The following COL5A1 variants were observed in gnomAD, a reference collection of about 807,000 sequenced individuals.
COL5A1 encodes the protein collagen alpha-1(V) chain.
A neutral mutation model predicts 263.7 loss-of-function variants in COL5A1; 16 were observed. The observed-to-expected ratio is 0.06, with a 90% CI of 0.04 to 0.09. COL5A1 has a LOEUF of 0.09. Ranked by LOEUF, COL5A1 falls within the 10% of genes least tolerant of loss-of-function variation. The probability of loss-of-function intolerance (pLI) is 1.00; values close to 1 mark genes in which losing one functional copy is unlikely to be tolerated. For synonymous variants in COL5A1, 1,012 were observed against 1,004.5 expected (o/e 1.01, Z -0.14); for missense variants, 2,036 against 2,540.5 (o/e 0.80, Z 4.27).
intron 1 of COL5A1, among the ~76,000 whole-genome samples, chr9:134,683,013 TCCCACGG>T (rs1832907025): frequency 6.6e-6 from 1 of 152,298 alleles, no homozygotes; most frequent in Admixed American, 6.5e-5. Context: ...GAGCGTGCGA[TCCCACGG>T]CCTCAGACCC....
chr9:134,704,497 A>T (rs1280254457), intron 4 of COL5A1, among the ~76,000 whole-genome samples: 1 of 152,100 alleles, frequency 6.6e-6, no homozygotes, highest in African/African-American at 2.4e-5. Flanking sequence ...TGCAGGTCTC[A>T]CTCTGCAGCT....
chr9:134,735,269 A>G (rs1487453738), intron 9 of COL5A1, among the ~76,000 whole-genome samples: 1 of 151,730 alleles, frequency 6.6e-6, no homozygotes, highest in African/African-American at 2.4e-5. Flanking sequence ...AGAGTTACCC[A>G]GGCACAGACA....
chr9:134,669,342 CT>C (rs1832469248), intron 1 of COL5A1, among the ~76,000 whole-genome samples: 1 of 136,290 alleles, frequency 7.3e-6, no homozygotes, highest in African/African-American at 2.7e-5. Context: ...TTCCTTCCTT[CT>C]TTCCATCCCT....
intron 9 of COL5A1, chr9:134,732,577 C>T (rs754084137): frequency 1.7e-4 from 44 of 253,178 alleles, no homozygotes; most frequent in Non-Finnish European, 3.2e-4. Context: ...GTTATGCAAC[C>T]GTTTGGAGTA....
chr9:134,753,692 C>A (rs73664129), intron 14 of COL5A1, among the ~76,000 whole-genome samples, 158 bp from the exon 15 acceptor site: 1 of 151,900 alleles, frequency 6.6e-6, no homozygotes, highest in Admixed American at 6.5e-5. Flanking sequence ...GTTCTTCCCC[C>A]CGGTTCTGTT....
In COL5A1 at chr9:134,642,165, G is replaced by A. The variant is rs569346996; in HGVS notation, c.-23G>A. ...CGCGCGCCTCCGAGCGCCCCTGTGC[G>A]CCCCGGCCCGCGCCCCGCCGGCATG... On this transcript the variant is annotated 5_prime_UTR_variant, in exon 1 of 66. Coordinates refer to ENST00000371817, the MANE Select transcript of COL5A1 (RefSeq NM_000093.5). The surrounding 1 kb of genome is among the most constrained non-coding windows in gnomAD (Gnocchi z 4.5). 3 of 1,246,560 alleles carry A rather than the reference G, an allele frequency of 2.4e-6. No homozygotes were observed. The highest frequency in any genetic ancestry group is 3.6e-5 in the South Asian group (1 of 27,412). 77.2% of individuals were successfully genotyped at this position (1,246,560 alleles called of 1,614,324 possible). A position where few individuals can be genotyped will look rare whatever the true frequency, so the allele number is the denominator to read the frequency against.
chr9:134,708,348 TC>T, intron 4 of COL5A1: 1 of 327,158 alleles, frequency 3.1e-6, no homozygotes. Flanking sequence ...TGCCTGCCCC[TC>T]CCGAGTCCTG....
Position 134,738,515 on chromosome 9 carries a change from G to A in COL5A1, c.1431G>A (p.Ala477=), listed in dbSNP as rs61729545. The part of the protein sequence containing the change: ...IEGPPGPEGP[A]GLPGPPGTMG... ...GCCCGCCTGGCCCAGAAGGCCCCGC[G>A]GTGAGTATCCGGCTTTATCCTGTGA... The change falls in exon 10 of 66, where the codon GCG becomes GCA. Residue 477 remains alanine, a splice_region_variant and synonymous_variant. Coordinates refer to ENST00000371817, the MANE Select transcript of COL5A1 (RefSeq NM_000093.5). The A allele has an allele frequency of 0.011, 17,064 of 1,613,988 alleles. 1,593 individuals are homozygous for A. In the African/African-American group the frequency reaches 0.2, roughly 19 times the overall value.
rs2132662230 is a variant in COL5A1 at position 134,742,148 on chromosome 9, C to T, written c.1494+3340C>T. Among the ~76,000 whole-genome samples, 1 of 152,334 alleles carries T rather than the reference C, an allele frequency of 6.6e-6. No homozygotes were observed. Among genetic ancestry groups the T allele is most frequent in the East Asian group, 1.9e-4 (1 of 5,170 alleles). On this transcript the variant is annotated intron_variant, in intron 11 of 65. Transcript: ENST00000371817. The surrounding 1 kb of genome is among the most constrained non-coding windows in gnomAD (Gnocchi z 4.6). ...CTTCCTTCACACACTCTGGTGAGCC[C>T]TGCACACTCTCCCGCTGCTCCCCTT... is the stretch of plus-strand genomic sequence containing the variant.
intron 39 of COL5A1, among the ~76,000 whole-genome samples, chr9:134,804,253 G>A (rs1026336738): frequency 4.6e-5 from 7 of 152,248 alleles, no homozygotes; most frequent in East Asian, 3.9e-4. Flanking sequence ...AGGCGGCCAC[G>A]GGCATTTGAC....
At chr9:134,831,183 C>G (rs1386319407) in intron 64 of COL5A1, among the ~76,000 whole-genome samples, 1 of 152,348 alleles carries the variant, frequency 6.6e-6, no homozygotes, top group Middle Eastern at 3.4e-3. Flanking sequence ...GAGCACTGGC[C>G]CTGAGCCGCC....
At chr9:134,645,646 G>T (rs1324279009) in intron 1 of COL5A1, among the ~76,000 whole-genome samples, 1 of 152,214 alleles carries the variant, frequency 6.6e-6, no homozygotes, top group Admixed American at 6.5e-5. Flanking sequence ...ACCCTCACCC[G>T]GGCCTGAGAA....
intron 59 of COL5A1, 185 bp from the exon 60 acceptor site, chr9:134,822,813 G>A: frequency 2.8e-6 from 2 of 720,698 alleles, no homozygotes; most frequent in Non-Finnish European, 4.8e-6. Context: ...TCTCCACGAG[G>A]GGTGAGCACC....
intron 4 of COL5A1, chr9:134,709,080 C>T (rs1244832349): frequency 5.1e-6 from 2 of 390,288 alleles, no homozygotes; most frequent in Non-Finnish European, 1.0e-5. Context: ...CTGCAGTGAT[C>T]TTATTTCTGG....
Position 134,763,796 on chromosome 9 carries a change from A to G in COL5A1, c.2034+59A>G, listed in dbSNP as rs1407211657. On this transcript the variant is annotated intron_variant, in intron 20 of 65. Coordinates refer to ENST00000371817, the MANE Select transcript of COL5A1 (RefSeq NM_000093.5). ...TCAGTGTGGAGAAAGGCTTTGTCCA[A>G]GGCTCCTGCTGGAGCAGGATCTGGG... 3.7e-5 allele frequency: 56 copies of G among 1,518,228 alleles called. 1 individual carries two copies. Among genetic ancestry groups the G allele is most frequent in the Non-Finnish European group, 5.0e-5 (55 of 1,095,276 alleles). The allele number at this position is 1,518,228 out of a possible 1,614,324, so 94.0% of individuals were successfully genotyped here.
rs551777617 is a variant in COL5A1 at position 134,824,178 on chromosome 9, A to G, written c.4699-422A>G. Among the ~76,000 whole-genome samples, 12 of 152,290 alleles carry G rather than the reference A, an allele frequency of 7.9e-5. No individual in the cohort carries two copies. The East Asian group carries it at 2.1e-3, about 27-fold the overall frequency. On this transcript the variant is annotated intron_variant, in intron 61 of 65. Transcript: ENST00000371817. ...GTCATCTTAGCTGTGGCCTTCTGGA[A>G]GTGAATGGCTCTTTGCATCAGGAGG...
intron 20 of COL5A1, among the ~76,000 whole-genome samples, chr9:134,764,455 C>T (rs375224947): frequency 7.2e-5 from 11 of 152,018 alleles, no homozygotes; most frequent in Middle Eastern, 3.4e-3. Context: ...AGCTTGGGCC[C>T]GTTTCAATGG....
At position 134,642,532 on chromosome 9, in the gene COL5A1, C is replaced by T. The variant is rs1588392281; in HGVS notation, c.109+236C>T. The stretch of plus-strand genomic sequence containing the variant: ...ACGGGCGGGTCGGGTGGGGCTGTCG[C>T]GCGAGCCGAGGAAGGACCGAGGGCT... On this transcript the variant is annotated intron_variant, in intron 1 of 65. Coordinates refer to ENST00000371817, the MANE Select transcript of COL5A1 (RefSeq NM_000093.5). The surrounding 1 kb of genome is among the most constrained non-coding windows in gnomAD (Gnocchi z 4.5). Among the ~76,000 whole-genome samples, 1 of 152,114 alleles carries T rather than the reference C, an allele frequency of 6.6e-6. No homozygotes were observed. The highest frequency in any genetic ancestry group is 6.5e-5 in the Admixed American group (1 of 15,284).
At chr9:134,803,723 G>A (rs1011467098) in intron 39 of COL5A1, among the ~76,000 whole-genome samples, 5 of 151,624 alleles carry the variant, frequency 3.3e-5, no homozygotes, top group Non-Finnish European at 7.4e-5. Context: ...GGCGCCTGTA[G>A]TCCCAGCTAC....
Sources: allele counts gnomAD v4.1 joint callset (sites outside exome capture counted in the v4.1 genomes callset), GRCh38; gene constraint gnomAD v4.1.1; non-coding constraint Gnocchi (gnomAD v3.1); transcripts MANE v1.5; gene names NCBI Gene and HGNC (gene_info 2026-07-23, HGNC 2026-07-21).